The following GMCL1 variants were observed in gnomAD, a reference collection of about 807,000 sequenced individuals.
GMCL1 encodes the protein germ cell-less 1, spermatogenesis associated.
GMCL1 carries 54 observed loss-of-function variants against 75.5 expected under a neutral mutation model. The observed-to-expected ratio is 0.71, with a 90% CI of 0.57 to 0.90. The LOEUF (loss-of-function observed/expected upper bound fraction) is 0.90, where lower values mean the gene tolerates loss of function less well. Ranked by LOEUF, GMCL1 falls within the 40% of genes least tolerant of loss-of-function variation. The probability of loss-of-function intolerance (pLI) is 0.00; values close to 1 mark genes in which losing one functional copy is unlikely to be tolerated. For missense variants in GMCL1, 537 were observed against 622.7 expected (o/e 0.86, Z 1.47); for synonymous variants, 210 against 209.6 (o/e 1.00, Z -0.02).
At chr2:69,842,526 C>T in intron 4 of GMCL1, among the ~76,000 whole-genome samples, 1 of 152,058 alleles carries the variant, frequency 6.6e-6, no homozygotes, top group East Asian at 1.9e-4. Context: ...TTTACTAACT[C>T]TTTAACTTAA....
chr2:69,834,288 TC>T (rs1674755845), intron 1 of GMCL1, among the ~76,000 whole-genome samples: 1 of 152,214 alleles, frequency 6.6e-6, no homozygotes, highest in Non-Finnish European at 1.5e-5. Context: ...ATCCTCCTGT[TC>T]CAATCTGGAT....
At chr2:69,851,160 G>A (rs1387428256) in intron 8 of GMCL1, among the ~76,000 whole-genome samples, 1 of 152,034 alleles carries the variant, frequency 6.6e-6, no homozygotes, top group African/African-American at 2.4e-5. Context: ...TTTTTGGTTG[G>A]GTGCCGTGGC....
At chr2:69,858,085 C>G (rs140994618) in intron 9 of GMCL1, among the ~76,000 whole-genome samples, 1 of 152,048 alleles carries the variant, frequency 6.6e-6, no homozygotes, top group Admixed American at 6.6e-5. Flanking sequence ...GGTTTATATT[C>G]AAAACTGCTG....
At chr2:69,874,892 C>T (rs112320521) in intron 13 of GMCL1, among the ~76,000 whole-genome samples, 10,331 of 151,948 alleles carry the variant, frequency 0.068, 927 homozygotes, top group Admixed American at 0.22. Flanking sequence ...CAGGCTCGCA[C>T]CACCATGCCC....
At chr2:69,850,131 G>A (rs1192922510) in intron 8 of GMCL1, among the ~76,000 whole-genome samples, 2 of 152,030 alleles carry the variant, frequency 1.3e-5, no homozygotes, top group African/African-American at 4.8e-5. Context: ...CTTAACATAG[G>A]GGCCATAGAT....
At position 69,861,322 on chromosome 2, in the gene GMCL1, C is replaced by A; in HGVS notation, c.1117C>A (p.Arg373=). 6.2e-7 allele frequency: 1 copy of A among 1,609,226 alleles called. No individual in the cohort carries two copies. The highest frequency in any genetic ancestry group is 8.5e-7 in the Non-Finnish European group (1 of 1,176,558). The change falls in exon 10 of 14, where the codon CGG becomes AGG. Residue 373 remains arginine (R), a synonymous_variant. Coordinates refer to ENST00000282570, the MANE Select transcript of GMCL1 (RefSeq NM_178439.5). Reference sequence around the variant, plus strand: ...TAAACAGCAGTGGTTTGCTATGCTGCGGGCAGAACAGGACAGTGAGGTGGG... The same window carrying A: ...TAAACAGCAGTGGTTTGCTATGCTGAGGGCAGAACAGGACAGTGAGGTGGG... The part of the protein sequence containing the change: ...VYKQQWFAML[R]AEQDSEVGPQ...
chr2:69,834,968 T>A (rs989863850), intron 1 of GMCL1, among the ~76,000 whole-genome samples: 3 of 152,108 alleles, frequency 2.0e-5, no homozygotes, highest in Non-Finnish European at 4.4e-5. Flanking sequence ...TGGCCCTAAC[T>A]ATGAGGTATT....
chr2:69,852,063 A>G (rs150325895), intron 8 of GMCL1, among the ~76,000 whole-genome samples: 1,814 of 152,342 alleles, frequency 0.012, 47 homozygotes, highest in African/African-American at 0.042. Flanking sequence ...TAGAGGAGAA[A>G]AGTAGGGGAA....
At chr2:69,833,667 T>C (rs1032975296) in intron 1 of GMCL1, among the ~76,000 whole-genome samples, 13 of 152,220 alleles carry the variant, frequency 8.5e-5, no homozygotes, top group African/African-American at 3.1e-4. Flanking sequence ...ATGTTGAATT[T>C]TGTGTGTTGG....
chr2:69,862,006 A>T (rs1389520321), intron 10 of GMCL1, among the ~76,000 whole-genome samples: 1 of 151,500 alleles, frequency 6.6e-6, no homozygotes, highest in Non-Finnish European at 1.5e-5. Flanking sequence ...TCAGTCTCAA[A>T]AAAACAAAAC....
At chr2:69,861,751 A>G (rs900992896) in intron 10 of GMCL1, among the ~76,000 whole-genome samples, 1 of 152,206 alleles carries the variant, frequency 6.6e-6, no homozygotes, top group Non-Finnish European at 1.5e-5. Flanking sequence ...TTAATGTAAT[A>G]AATAGTTTTT....
At chr2:69,833,749 A>C (rs1558535489) in intron 1 of GMCL1, among the ~76,000 whole-genome samples, 2 of 152,370 alleles carry the variant, frequency 1.3e-5, no homozygotes, top group East Asian at 3.9e-4. Context: ...GAGAAGTTTT[A>C]GCTTTTAGGC....
At chr2:69,865,948 T>A (rs956795320) in intron 11 of GMCL1, among the ~76,000 whole-genome samples, 1 of 151,996 alleles carries the variant, frequency 6.6e-6, no homozygotes, top group Non-Finnish European at 1.5e-5. Flanking sequence ...TATTTAATAT[T>A]TTTTTAAAAA....
At chr2:69,867,237 C>T (rs765158944) in intron 11 of GMCL1, among the ~76,000 whole-genome samples, 4 of 152,164 alleles carry the variant, frequency 2.6e-5, no homozygotes, top group African/African-American at 9.7e-5. Flanking sequence ...TGAGCCACCA[C>T]GTCCAGCCCT....
intron 9 of GMCL1, among the ~76,000 whole-genome samples, chr2:69,858,078 T>A (rs1197193898): frequency 1.3e-5 from 2 of 152,168 alleles, no homozygotes; most frequent in Non-Finnish European, 2.9e-5. Context: ...AATACTGGGT[T>A]TATATTCAAA....
At position 69,859,742 on chromosome 2, in the gene GMCL1, T is replaced by TTAAAAAAAAAAAAAA. The variant is rs1553372489; in HGVS notation, c.1073-1536_1073-1535insTAAAAAAAAAAAAAA. 1.5e-4 allele frequency among the ~76,000 whole-genome samples: 12 copies of TTAAAAAAAAAAAAAA among 79,128 alleles called. 1 individual carries two copies. The highest frequency in any genetic ancestry group is 2.9e-4 in the African/African-American group (5 of 17,498). The allele number at this position is 79,128 out of a possible 152,430, so 51.9% of individuals were successfully genotyped here. ...GAGTGAGACCGTGTCTCTCTCTCTC[T>TTAAAAAAAAAAAAAA]AAAAAAAAAAAAAAAAGTATATATG... On this transcript the variant is annotated intron_variant, in intron 9 of 13. Coordinates refer to ENST00000282570, the MANE Select transcript of GMCL1 (RefSeq NM_178439.5).
In GMCL1 at chr2:69,844,012, G is replaced by A. The variant is rs1489925684; in HGVS notation, c.693-119G>A. The A allele has an allele frequency of 4.3e-5, 20 of 468,066 alleles. No homozygotes were observed. The East Asian group carries it at 6.4e-4, about 15-fold the overall frequency. The allele number at this position is 468,066 out of a possible 1,614,324, so 29.0% of individuals were successfully genotyped here. A position where few individuals can be genotyped will look rare whatever the true frequency, so the allele number is the denominator to read the frequency against. On this transcript the variant is annotated intron_variant, in intron 5 of 13. Transcript: ENST00000282570. ...ATAATACTAAATTTCCTATTGTTAA[G>A]CTAAAAGTTTTGAGCATGTTCTGGC...
chr2:69,858,403 A>C (rs1675542286), intron 9 of GMCL1, among the ~76,000 whole-genome samples: 1 of 152,200 alleles, frequency 6.6e-6, no homozygotes. Context: ...AATTTAGTCT[A>C]CTTAGTCAAA....
Position 69,879,682 on chromosome 2 carries a change from A to G in GMCL1, c.*678A>G, listed in dbSNP as rs1676227361. 1 of 152,194 alleles carries G rather than the reference A, an allele frequency of 6.6e-6. No homozygotes were observed. The highest frequency in any genetic ancestry group is 6.5e-5 in the Admixed American group (1 of 15,278). The allele number at this position is 152,194 out of a possible 1,614,324, so 9.4% of individuals were successfully genotyped here. A position where few individuals can be genotyped will look rare whatever the true frequency, so the allele number is the denominator to read the frequency against. On this transcript the variant is annotated 3_prime_UTR_variant, in exon 14 of 14. Coordinates refer to ENST00000282570, the MANE Select transcript of GMCL1 (RefSeq NM_178439.5). ...AATTTGACTTTCCTAGGAGTTTAAG[A>G]ACAGTGAAAGTTAGCTTTGCACCTT...
Sources: allele counts gnomAD v4.1 joint callset (sites outside exome capture counted in the v4.1 genomes callset), GRCh38; gene constraint gnomAD v4.1.1; transcripts MANE v1.5; gene names NCBI Gene and HGNC (gene_info 2026-07-23, HGNC 2026-07-21).